Variants in NEK11 observed in about 807,000 individuals in gnomAD.
NEK11 encodes the protein NIMA related kinase 11, also known as serine/threonine-protein kinase Nek11.
A neutral mutation model predicts 80.7 loss-of-function variants in NEK11; 72 were observed. That is an observed-to-expected ratio of 0.89 (90% CI 0.74 to 1.08). The LOEUF (loss-of-function observed/expected upper bound fraction) is 1.08. Among genes scored for constraint, NEK11 ranks in the 50% least tolerant of loss-of-function variants. NEK11 has a pLI of 0.00. For synonymous variants in NEK11, 251 were observed against 260.7 expected (o/e 0.96, Z 0.36); for missense variants, 764 against 763.6 (o/e 1.00, Z -0.01).
chr3:131,155,100 C>T lies in NEK11; in HGVS notation c.941C>T (p.Ala314Val), dbSNP rs557513677. 3 of 1,609,214 alleles carry T rather than the reference C, an allele frequency of 1.9e-6. No homozygotes were observed. The highest frequency in any genetic ancestry group is 2.2e-5 in the South Asian group (2 of 90,942). ...AAAAATTTGGATTGTCAGAAGGAGG[C>T]TGCTCATATAATTAATGCCATGTAA... ...EDKNLDCQKE[A>V]AHIINAMQKR... is the part of the protein sequence containing the mutation. The change falls in exon 10 of 18, where the codon GCT becomes GTT. Residue 314 changes from alanine to valine, a missense_variant. Transcript: ENST00000383366.
intron 11 of NEK11, among the ~76,000 whole-genome samples, chr3:131,163,269 A>G (rs2091857879): frequency 6.6e-6 from 1 of 152,236 alleles, no homozygotes; most frequent in African/African-American, 2.4e-5. Context: ...ATCAGTATAT[A>G]GAAAAGATAC....
At chr3:131,119,314 A>T (rs1369938887) in intron 5 of NEK11, among the ~76,000 whole-genome samples, 3 of 152,100 alleles carry the variant, frequency 2.0e-5, no homozygotes, top group Admixed American at 6.5e-5. Context: ...TTCTAGTTTG[A>T]TTGCACGGTG....
chr3:131,089,783 T>A (rs1009934378), intron 4 of NEK11, among the ~76,000 whole-genome samples: 3 of 152,030 alleles, frequency 2.0e-5, no homozygotes, highest in African/African-American at 7.2e-5. Flanking sequence ...ATAATGATAG[T>A]TGATGATAAT....
chr3:131,155,214 C>A, intron 10 of NEK11, 93 bp downstream of exon 10: 1 of 781,992 alleles, frequency 1.3e-6, no homozygotes, highest in Non-Finnish European at 2.1e-6. Context: ...CTGACTGCAT[C>A]GAGTATCCTA....
chr3:131,207,090 A>C (rs1244136570), intron 14 of NEK11, among the ~76,000 whole-genome samples: 1 of 152,196 alleles, frequency 6.6e-6, no homozygotes, highest in Non-Finnish European at 1.5e-5. Context: ...GGTTGGTTCC[A>C]AGTCTTTGCT....
chr3:131,206,847 C>T (rs868003370), intron 14 of NEK11, among the ~76,000 whole-genome samples: 5 of 148,642 alleles, frequency 3.4e-5, no homozygotes, highest in African/African-American at 7.8e-5. Flanking sequence ...CCTCACCCCA[C>T]GACAGGCCCC....
At chr3:131,110,006 G>A in intron 5 of NEK11, 85 bp downstream of exon 5, 2 of 1,417,972 alleles carry the variant, frequency 1.4e-6, no homozygotes, top group Non-Finnish European at 1.9e-6. Flanking sequence ...TTCTATAATT[G>A]AAAGAAAACA....
chr3:131,129,340 C>T (rs2083989823), intron 5 of NEK11, among the ~76,000 whole-genome samples: 2 of 152,168 alleles, frequency 1.3e-5, no homozygotes, highest in Non-Finnish European at 2.9e-5. Flanking sequence ...AGGCTTGAGC[C>T]ACTGCACCCG....
intron 14 of NEK11, among the ~76,000 whole-genome samples, chr3:131,189,934 A>G (rs1299222494): frequency 6.6e-6 from 1 of 152,216 alleles, no homozygotes; most frequent in South Asian, 2.1e-4. Context: ...AAAGGCTTAC[A>G]GAATATTTCA....
chr3:131,032,563 C>T lies in NEK11; in HGVS notation c.170+2685C>T, dbSNP rs141166676. Among the ~76,000 whole-genome samples the T allele has an allele frequency of 6.3e-3, 956 of 152,304 alleles. 4 individuals carry two copies. Among genetic ancestry groups the T allele is most frequent in the Middle Eastern group, 0.037 (11 of 294 alleles). On this transcript the variant is annotated intron_variant, in intron 3 of 17. Coordinates refer to ENST00000383366, the MANE Select transcript of NEK11 (RefSeq NM_024800.5). ...AGAAAAAAGTATGAATGTGACTACT[C>T]ACAAAATTCTAGAATGCTGTAATAG...
intron 5 of NEK11, among the ~76,000 whole-genome samples, chr3:131,117,573 C>A (rs1253536975): frequency 6.6e-6 from 1 of 152,100 alleles, no homozygotes. Flanking sequence ...GGCAGTATGG[C>A]CATTTTCACG....
Position 131,162,529 on chromosome 3 carries a change from T to C in NEK11, c.1082+2T>C. On this transcript the variant is annotated splice_donor_variant, in intron 11 of 17. Transcript: ENST00000383366. LOFTEE classifies it high-confidence loss of function. ...TGATGAGAAAGCCAGGAAGCTGAAG[T>C]AAGCTGCTTTTCCTTTAGGCACTCA... The C allele has an allele frequency of 6.2e-7, 1 of 1,613,966 alleles. No homozygotes were observed.
At chr3:131,293,196 C>A (rs1046651025) in intron 17 of NEK11, among the ~76,000 whole-genome samples, 6 of 152,030 alleles carry the variant, frequency 3.9e-5, no homozygotes, top group African/African-American at 1.4e-4. Flanking sequence ...GAGTTTCTCA[C>A]CCTTAAGTAT....
chr3:131,298,127 G>C (rs201580286), intron 17 of NEK11, among the ~76,000 whole-genome samples: 2 of 152,194 alleles, frequency 1.3e-5, no homozygotes, highest in South Asian at 4.2e-4. Context: ...TTTTGGCTTA[G>C]GATTGACTTG....
chr3:131,180,730 A>G (rs1316613373), intron 14 of NEK11, among the ~76,000 whole-genome samples: 1 of 152,224 alleles, frequency 6.6e-6, no homozygotes. Context: ...ATTATATATC[A>G]TTAATAAAAC....
chr3:131,230,682 T>C (rs903040852), intron 15 of NEK11, among the ~76,000 whole-genome samples: 1 of 152,164 alleles, frequency 6.6e-6, no homozygotes, highest in African/African-American at 2.4e-5. Flanking sequence ...GCAGCAGTTT[T>C]GTTCTCTGGG....
intron 7 of NEK11, among the ~76,000 whole-genome samples, chr3:131,145,253 C>T (rs974308914): frequency 2.0e-4 from 30 of 152,132 alleles, no homozygotes; most frequent in Non-Finnish European, 4.0e-4. Context: ...CATTGTCCCA[C>T]CATAGCCTCC....
At chr3:131,199,722 T>C (rs888641425) in intron 14 of NEK11, among the ~76,000 whole-genome samples, 1 of 152,194 alleles carries the variant, frequency 6.6e-6, no homozygotes, top group Non-Finnish European at 1.5e-5. Context: ...CTACTTCTGA[T>C]AATGTAGGCT....
chr3:131,126,956 TTTC>T (rs2083447608), intron 5 of NEK11, among the ~76,000 whole-genome samples: 1 of 106,184 alleles, frequency 9.4e-6, no homozygotes, highest in Admixed American at 1.1e-4. Context: ...TCTTTCTTTC[TTTC>T]TTTTTTTTTT....
Sources: allele counts gnomAD v4.1 joint callset (sites outside exome capture counted in the v4.1 genomes callset), GRCh38; gene constraint gnomAD v4.1.1; transcripts MANE v1.5; gene names NCBI Gene and HGNC (gene_info 2026-07-23, HGNC 2026-07-21).